The following TGM3 variants were observed in gnomAD, a reference collection of about 807,000 sequenced individuals.
The protein encoded by TGM3 is transglutaminase 3.
In TGM3, 52 loss-of-function variants were observed where a neutral mutation model predicts 73.8. That is an observed-to-expected ratio of 0.70 (90% CI 0.56 to 0.89). The LOEUF is 0.89. Ranked by LOEUF, TGM3 falls within the 40% of genes least tolerant of loss-of-function variation. TGM3 has a pLI of 0.00. For synonymous variants in TGM3, 372 were observed against 354.9 expected (o/e 1.05, Z -0.54); for missense variants, 928 against 909.9 (o/e 1.02, Z -0.26).
rs746832612 is a variant in TGM3, at chr20:2,340,609, T to G, written c.*28T>G. 7 of 1,613,942 alleles carry G rather than the reference T, an allele frequency of 4.3e-6. No homozygotes were observed. The African/African-American group carries it at 6.7e-5, about 15-fold the overall frequency. On this transcript the variant is annotated 3_prime_UTR_variant, in exon 13 of 13. Transcript: ENST00000381458. ...GGCGCTGGTGGCCTCCCGTACAAAC[T>G]TGGACAACACGGAGCAGGGAGAGCT...
chr20:2,328,494 G>A lies in TGM3; in HGVS notation c.1333+129G>A. ...CCAGTTCTGCCTGAATGATAGGATT[G>A]CTCCCTAGCACCTAACATCCACCTC... On this transcript the variant is annotated intron_variant, in intron 9 of 12. Transcript: ENST00000381458. The surrounding 1 kb of genome is among the most constrained non-coding windows in gnomAD (Gnocchi z 5.2). 1 of 1,303,616 alleles carries A rather than the reference G, an allele frequency of 7.7e-7. No individual in the cohort carries two copies. Among genetic ancestry groups the A allele is most frequent in the Non-Finnish European group, 1.1e-6 (1 of 950,602 alleles). The allele number at this position is 1,303,616 out of a possible 1,614,324, so 80.8% of individuals were successfully genotyped here.
intron 5 of TGM3, among the ~76,000 whole-genome samples, chr20:2,315,710 A>G (rs377178690): frequency 1.3e-4 from 20 of 152,338 alleles, no homozygotes; most frequent in Non-Finnish European, 2.6e-4. Flanking sequence ...CCTTGACTAC[A>G]AAAGACACCT....
chr20:2,328,121 G>GGT lies in TGM3; in HGVS notation c.1092_1093dup (p.Phe365CysfsTer19). 6.2e-7 allele frequency: 1 copy of GGT among 1,614,130 alleles called. No individual in the cohort carries two copies. The highest frequency in any genetic ancestry group is 8.5e-7 in the Non-Finnish European group (1 of 1,180,034). On this transcript the variant is annotated frameshift_variant and splice_region_variant, in exon 9 of 13. Transcript: ENST00000381458. LOFTEE classifies it high-confidence loss of function. This position sits in a 1 kb window ranked among gnomAD's most constrained non-coding sequence, Gnocchi z 5.2. ...CAGCCTCTGCATCTTGGCCTCCAGGGGTGTTCCAGTGCGGCCCCGCTTCGG... is the reference window on the plus strand; with the variant it reads ...CAGCCTCTGCATCTTGGCCTCCAGGGGTGTGTTCCAGTGCGGCCCCGCTTCGG...
At position 2,311,088 on chromosome 20, in the gene TGM3, A is replaced by C; in HGVS notation, c.499A>C (p.Ser167Arg). 1 of 1,614,124 alleles carries C rather than the reference A, an allele frequency of 6.2e-7. No individual in the cohort carries two copies. Residue 167 changes from serine to arginine, a missense_variant, in exon 4 of 13, where the codon AGC becomes CGC. Ser to Arg is a moderately radical substitution (Grantham distance 110). Transcript: ENST00000381458. ...AGATGCCGGCATCATCTTTGTGGGA[A>C]GCACAAACCGAATTGGCATGATTGG... ...QEDAGIIFVG[S>R]TNRIGMIGWN... is the part of the protein sequence containing the mutation.
chr20:2,333,705 A>G (rs539021572), intron 10 of TGM3, among the ~76,000 whole-genome samples: 1 of 152,302 alleles, frequency 6.6e-6, no homozygotes, highest in Non-Finnish European at 1.5e-5. Context: ...CAAAAGAGCT[A>G]ATTTTGGAAA....
chr20:2,338,172 A>C (rs1404392708), intron 11 of TGM3, among the ~76,000 whole-genome samples: 1 of 152,238 alleles, frequency 6.6e-6, no homozygotes, highest in Non-Finnish European at 1.5e-5. Context: ...ATTAGCACTG[A>C]GGACCTTAGA....
intron 1 of TGM3, among the ~76,000 whole-genome samples, chr20:2,299,302 CAG>C (rs775835217): frequency 1.1e-4 from 16 of 152,148 alleles, no homozygotes; most frequent in Non-Finnish European, 2.4e-4. Context: ...ATTTTCTAAT[CAG>C]GGGCGATTCC....
In TGM3 at chr20:2,334,213, A is replaced by G. The variant is rs2084335635; in HGVS notation, c.1643-903A>G. Among the ~76,000 whole-genome samples the G allele has an allele frequency of 6.6e-6, 1 of 152,164 alleles. No homozygotes were observed. Among genetic ancestry groups the G allele is most frequent in the Non-Finnish European group, 1.5e-5 (1 of 68,030 alleles). ...ATCTGGGGGAACCATGTGAGTCAAA[A>G]TATGGGGGCGAAAAGGTGCCTGTTT... On this transcript the variant is annotated intron_variant, in intron 10 of 12. Coordinates refer to ENST00000381458, the MANE Select transcript of TGM3 (RefSeq NM_003245.4). This position sits in a 1 kb window ranked among gnomAD's most constrained non-coding sequence, Gnocchi z 4.0.
intron 1 of TGM3, among the ~76,000 whole-genome samples, chr20:2,296,611 C>A (rs2084109548): frequency 6.6e-6 from 1 of 152,086 alleles, no homozygotes; most frequent in South Asian, 2.1e-4. Flanking sequence ...ACATCAGAAG[C>A]ATCAGACAGG....
intron 1 of TGM3, among the ~76,000 whole-genome samples, chr20:2,305,428 A>C (rs2084171859): frequency 6.6e-6 from 1 of 152,254 alleles, no homozygotes; most frequent in Non-Finnish European, 1.5e-5. Context: ...TCATTATGCC[A>C]CACCTGGGTT....
intron 8 of TGM3, among the ~76,000 whole-genome samples, chr20:2,327,374 G>T (rs906192830): frequency 5.3e-5 from 8 of 152,150 alleles, no homozygotes; most frequent in Admixed American, 3.3e-4. Context: ...TACTGAGAGA[G>T]GCTGAGGCAG....
chr20:2,319,941 A>G (rs2084254272), intron 7 of TGM3, among the ~76,000 whole-genome samples: 1 of 152,156 alleles, frequency 6.6e-6, no homozygotes, highest in South Asian at 2.1e-4. Flanking sequence ...GGACTAGATG[A>G]TTTCTTAAGT....
At chr20:2,316,492 G>T (rs3787473) in intron 5 of TGM3, among the ~76,000 whole-genome samples, 3 of 151,916 alleles carry the variant, frequency 2.0e-5, no homozygotes, top group African/African-American at 7.3e-5. Flanking sequence ...AATCCAGGAG[G>T]CGAAGCTTGC....
chr20:2,326,712 A>G (rs191123981), intron 8 of TGM3, among the ~76,000 whole-genome samples: 69 of 152,118 alleles, frequency 4.5e-4, no homozygotes, highest in Non-Finnish European at 7.4e-4. Flanking sequence ...GTCGGGCATG[A>G]TAGTACATGC....
In TGM3 at chr20:2,334,533, C is replaced by G. The variant is rs534389676; in HGVS notation, c.1643-583C>G. ...AGGCTATTAGATGACGGGGAGGATCCTAAGCGTTTGTTTAGCCAATACCCT... is the reference window on the plus strand; with the variant it reads ...AGGCTATTAGATGACGGGGAGGATCGTAAGCGTTTGTTTAGCCAATACCCT... On this transcript the variant is annotated intron_variant, in intron 10 of 12. Coordinates refer to ENST00000381458, the MANE Select transcript of TGM3 (RefSeq NM_003245.4). This position sits in a 1 kb window ranked among gnomAD's most constrained non-coding sequence, Gnocchi z 4.0. Among the ~76,000 whole-genome samples the G allele has an allele frequency of 3.3e-5, 5 of 152,208 alleles. No individual in the cohort carries two copies. Among genetic ancestry groups the G allele is most frequent in the East Asian group, 1.9e-4 (1 of 5,186 alleles).
rs13039090 is a variant in TGM3, at chr20:2,307,937, G to A, written c.8-1720G>A. On this transcript the variant is annotated intron_variant, in intron 1 of 12. Transcript: ENST00000381458. ...AGGCATCAGAATATAAAGATCAAGA[G>A]GGGGCCGGGTGCAGTGGCTCATGCC... is the stretch of plus-strand genomic sequence containing the variant. Among the ~76,000 whole-genome samples, 5 of 151,936 alleles carry A rather than the reference G, an allele frequency of 3.3e-5. No homozygotes were observed. The South Asian group carries it at 1.0e-3, about 31-fold the overall frequency.
intron 9 of TGM3, among the ~76,000 whole-genome samples, chr20:2,331,650 T>A (rs1399249225): frequency 6.6e-6 from 1 of 152,236 alleles, no homozygotes; most frequent in African/African-American, 2.4e-5. Flanking sequence ...TGATTTATTT[T>A]GAAATTATCT....
intron 4 of TGM3, 34 bp downstream of exon 4, chr20:2,311,163 C>T (rs765077925): frequency 6.4e-7 from 1 of 1,555,328 alleles, no homozygotes; most frequent in Admixed American, 1.7e-5. Flanking sequence ...AGGGTAATGT[C>T]CCTGTTACCC....
chr20:2,328,381 GC>G lies in TGM3; in HGVS notation c.1333+17del. 1 of 1,613,498 alleles carries G rather than the reference GC, an allele frequency of 6.2e-7. No homozygotes were observed. The highest frequency in any genetic ancestry group is 8.5e-7 in the Non-Finnish European group (1 of 1,179,608). On this transcript the variant is annotated intron_variant, in intron 9 of 12. Coordinates refer to ENST00000381458, the MANE Select transcript of TGM3 (RefSeq NM_003245.4). This position sits in a 1 kb window ranked among gnomAD's most constrained non-coding sequence, Gnocchi z 5.2. ...TACCCAGAAGGTAGGAGGGACGCTG[GC>G]GGGGCAGTGCCGCGAGAGGTTCTAT...
Sources: gnomAD v4.1 joint callset for allele counts (sites outside exome capture counted in the v4.1 genomes callset) on GRCh38, gnomAD v4.1.1 for gene constraint, Gnocchi (gnomAD v3.1) non-coding constraint, MANE v1.5 for transcripts, NCBI Gene and HGNC (gene_info 2026-07-23, HGNC 2026-07-21) for gene names.